NADSYN1: variants seen among roughly 807,000 people sequenced by gnomAD.
NADSYN1 encodes the protein glutamine-dependent NAD(+) synthetase.
Under a neutral mutation model 99.3 loss-of-function variants are expected in NADSYN1, and 80 were observed. The ratio of observed to expected loss-of-function variants is 0.81; its 90% CI spans 0.67 to 0.97. NADSYN1 has a LOEUF of 0.97. NADSYN1 is among the 50% of genes least tolerant of loss of function. The probability of loss-of-function intolerance (pLI) is 0.00; values close to 1 mark genes in which losing one functional copy is unlikely to be tolerated. For synonymous variants in NADSYN1, 385 were observed against 372.1 expected (o/e 1.03, Z -0.40); for missense variants, 859 against 948.5 (o/e 0.91, Z 1.24).
In NADSYN1 at chr11:71,472,482, A is replaced by G. The variant is rs574424694; in HGVS notation, c.441A>G (p.Ile147Met). The G allele has an allele frequency of 6.2e-7, 1 of 1,613,862 alleles. No homozygotes were observed. The highest frequency in any genetic ancestry group is 1.1e-5 in the South Asian group (1 of 91,078). ...HTEEYFLPRM[I>M]QDLTKQETVP... ...AGGAGTACTTTCTGCCTCGGATGAT[A>G]CAGGACCTGACAAAGCAGGTGAGTC... The change falls in exon 6 of 21, where the codon ATA becomes ATG. Residue 147 changes from isoleucine (I) to methionine (M), a missense_variant. Ile to Met is a conservative substitution (Grantham distance 10). Transcript: ENST00000319023.
chr11:71,476,725 G>A (rs367907080), intron 9 of NADSYN1: 40 of 720,226 alleles, frequency 5.6e-5, no homozygotes, highest in South Asian at 5.6e-5. Context: ...CCCCGTTCAC[G>A]TCAGAGCCAC....
At chr11:71,484,207 G>T in intron 14 of NADSYN1, 105 bp from the exon 15 acceptor site, 1 of 1,476,450 alleles carries the variant, frequency 6.8e-7, no homozygotes, top group Non-Finnish European at 9.2e-7. Flanking sequence ...CGCTTTAAAT[G>T]GGTTACAATG....
chr11:71,491,936 G>T (rs753006768), intron 18 of NADSYN1, 33 bp downstream of exon 18: 2 of 1,597,178 alleles, frequency 1.3e-6, no homozygotes, highest in South Asian at 2.2e-5. Context: ...GATGCTTCCT[G>T]CCCTCCTCCC....
Position 71,463,484 on chromosome 11 carries a change from A to G in NADSYN1, c.316A>G (p.Arg106Gly). ...RYNCRVIFLN[R>G]KILLIRPKMA... is the part of the protein sequence containing the mutation. ...CAACTGCAGAGTGATATTCCTCAACAGGTAGGCCCCCTGCCCCCACCCCGG... is the reference window on the plus strand; with the variant it reads ...CAACTGCAGAGTGATATTCCTCAACGGGTAGGCCCCCTGCCCCCACCCCGG... Residue 106 changes from arginine (R) to glycine (G), a missense_variant and splice_region_variant, in exon 4 of 21, where the codon AGG (arginine) becomes GGG (glycine). Physicochemically the swap from Arg to Gly is moderately radical, Grantham distance 125 (BLOSUM62 -2). Transcript: ENST00000319023. 1 of 1,613,780 alleles carries G rather than the reference A, an allele frequency of 6.2e-7. No homozygotes were observed. The highest frequency in any genetic ancestry group is 1.1e-5 in the South Asian group (1 of 91,042).
intron 10 of NADSYN1, chr11:71,480,002 C>T (rs968402240): frequency 2.6e-5 from 4 of 152,234 alleles, no homozygotes; most frequent in Admixed American, 2.0e-4. Flanking sequence ...TGATGGGCAT[C>T]GGGAATGTTT....
intron 5 of NADSYN1, 150 bp from the exon 6 acceptor site, chr11:71,472,299 A>T (rs1383909015): frequency 8.7e-6 from 6 of 689,848 alleles, no homozygotes; most frequent in Non-Finnish European, 1.6e-5. Flanking sequence ...CCTGAATGCG[A>T]TTGTTTATTG....
At chr11:71,468,398 G>A (rs940627123) in intron 5 of NADSYN1, among the ~76,000 whole-genome samples, 2 of 152,192 alleles carry the variant, frequency 1.3e-5, no homozygotes, top group Admixed American at 6.5e-5. Flanking sequence ...GTAAATTAGG[G>A]CAATGCTCTG....
intron 5 of NADSYN1, 26 bp from the exon 6 acceptor site, chr11:71,472,423 C>G (rs754758628): frequency 1.9e-6 from 3 of 1,576,496 alleles, no homozygotes; most frequent in Non-Finnish European, 2.6e-6. Context: ...TGCTCATCCT[C>G]AGCTCCTCGG....
chr11:71,480,844 C>G lies in NADSYN1; in HGVS notation c.963C>G (p.Ile321Met). 1.2e-6 allele frequency: 2 copies of G among 1,614,176 alleles called. No homozygotes were observed. The highest frequency in any genetic ancestry group is 1.7e-6 in the Non-Finnish European group (2 of 1,180,016). The part of the protein sequence containing the change: ...EDLLAPISEP[I>M]EWKYHSPEEE... ...TGCTGGCACCCATCTCTGAGCCCAT[C>G]GAGTGGAAATACCACAGCCCTGAGG... The change falls in exon 11 of 21, where the codon ATC becomes ATG. Residue 321 changes from isoleucine to methionine, a missense_variant. Ile to Met is a conservative substitution (Grantham distance 10). Coordinates refer to ENST00000319023, the MANE Select transcript of NADSYN1 (RefSeq NM_018161.5).
Position 71,501,478 on chromosome 11 carries a change from G to C in NADSYN1, c.*126G>C. Reference sequence around the variant, plus strand: ...GATGGGACGGCGCATCAGCCGAGAGGGAGGGAACTTTTCAGTCAAATTCCT... The same window carrying C: ...GATGGGACGGCGCATCAGCCGAGAGCGAGGGAACTTTTCAGTCAAATTCCT... On this transcript the variant is annotated 3_prime_UTR_variant, in exon 21 of 21. Coordinates refer to ENST00000319023, the MANE Select transcript of NADSYN1 (RefSeq NM_018161.5). 1.2e-6 allele frequency: 1 copy of C among 843,384 alleles called. No homozygotes were observed. The highest frequency in any genetic ancestry group is 1.7e-5 in the South Asian group (1 of 59,634). 52.2% of individuals were successfully genotyped at this position (843,384 alleles called of 1,614,324 possible). A position where few individuals can be genotyped will look rare whatever the true frequency, so the allele number is the denominator to read the frequency against.
intron 12 of NADSYN1, 185 bp from the exon 13 acceptor site, chr11:71,481,738 T>C: frequency 1.6e-6 from 1 of 614,952 alleles, no homozygotes. Flanking sequence ...AAGTGTCTTT[T>C]TTCCCTCTGA....
chr11:71,461,170 T>A (rs1434432079), intron 3 of NADSYN1, among the ~76,000 whole-genome samples: 1 of 152,200 alleles, frequency 6.6e-6, no homozygotes, highest in African/African-American at 2.4e-5. Context: ...GTTTTATGTG[T>A]TCAGTGGTAA....
intron 1 of NADSYN1, 104 bp downstream of exon 1, chr11:71,453,485 C>G (rs1949493766): frequency 1.8e-6 from 2 of 1,089,200 alleles, no homozygotes; most frequent in African/African-American, 1.6e-5. Context: ...CTGGGAAACT[C>G]TCGGCCCTGG....
chr11:71,467,203 G>A (rs1276553101), intron 5 of NADSYN1, among the ~76,000 whole-genome samples: 2 of 152,184 alleles, frequency 1.3e-5, no homozygotes, highest in African/African-American at 4.8e-5. Context: ...AGGAGAATAA[G>A]TTAATTCCAT....
chr11:71,500,385 C>CA (rs992213156), intron 20 of NADSYN1, among the ~76,000 whole-genome samples: 1 of 151,724 alleles, frequency 6.6e-6, no homozygotes, highest in African/African-American at 2.4e-5. Flanking sequence ...ACCGTTGACC[C>CA]CCCGAGGAGA....
chr11:71,484,457 C>A lies in NADSYN1; in HGVS notation c.1455+10C>A. 6.2e-7 allele frequency: 1 copy of A among 1,610,752 alleles called. No individual in the cohort carries two copies. On this transcript the variant is annotated intron_variant, in intron 15 of 20. Coordinates refer to ENST00000319023, the MANE Select transcript of NADSYN1 (RefSeq NM_018161.5). ...GCTGCAAAATGTGCAGGTGCCCCCGCCTGGGCCGGCGTCCCCTGGGGGTGG... is the reference window on the plus strand; with the variant it reads ...GCTGCAAAATGTGCAGGTGCCCCCGACTGGGCCGGCGTCCCCTGGGGGTGG...
intron 5 of NADSYN1, among the ~76,000 whole-genome samples, chr11:71,464,817 G>A (rs1949576388): frequency 2.1e-5 from 3 of 142,768 alleles, no homozygotes; most frequent in Non-Finnish European, 3.0e-5. Context: ...GCAGTGAGCC[G>A]AGATTGCGCC....
In NADSYN1 at chr11:71,473,597, G is replaced by A. The variant is rs200388624; in HGVS notation, c.577G>A (p.Val193Met). ...GCACATCGACATGGGCCTGGATGGCGTGGAGATCATCACCAACGCCTCGGG... is the reference window on the plus strand; with the variant it reads ...GCACATCGACATGGGCCTGGATGGCATGGAGATCATCACCAACGCCTCGGG... ...SPHIDMGLDG[V>M]EIITNASGSH... Residue 193 changes from valine to methionine, a missense_variant, in exon 8 of 21, where the codon GTG becomes ATG. Val to Met is a conservative substitution (Grantham distance 21). Transcript: ENST00000319023. 9.1e-5 allele frequency: 147 copies of A among 1,612,586 alleles called. No homozygotes were observed. Among genetic ancestry groups the A allele is most frequent in the Middle Eastern group, 1.6e-4 (1 of 6,076 alleles).
rs748736041 is a variant in NADSYN1 at position 71,485,523 on chromosome 11, C to A, written c.1456-19C>A. 6.5e-7 allele frequency: 1 copy of A among 1,535,536 alleles called. No homozygotes were observed. Among genetic ancestry groups the A allele is most frequent in the Admixed American group, 2.1e-5 (1 of 47,188 alleles). On this transcript the variant is annotated intron_variant, in intron 15 of 20. Transcript: ENST00000319023. ...TCCTTTGCAAGGGAACCCGTTATTTCCTCTGTTGTGTTTTCCAGGCTCGAA... is the reference window on the plus strand; with the variant it reads ...TCCTTTGCAAGGGAACCCGTTATTTACTCTGTTGTGTTTTCCAGGCTCGAA...
Sources: allele counts gnomAD v4.1 joint callset (sites outside exome capture counted in the v4.1 genomes callset), GRCh38; gene constraint gnomAD v4.1.1; transcripts MANE v1.5; gene names NCBI Gene and HGNC (gene_info 2026-07-23, HGNC 2026-07-21).